SRGAP1: variants seen among roughly 807,000 people sequenced by gnomAD.
The protein encoded by SRGAP1 is SLIT-ROBO Rho GTPase activating protein 1.
A neutral mutation model predicts 121.9 loss-of-function variants in SRGAP1; 43 were observed. That is an observed-to-expected ratio of 0.35 (90% confidence interval 0.28 to 0.46). SRGAP1 has a LOEUF of 0.46. Ranked by LOEUF, SRGAP1 falls within the 20% of genes least tolerant of loss-of-function variation. SRGAP1 has a pLI of 1.00. For synonymous variants in SRGAP1, 447 were observed against 485.4 expected (o/e 0.92, Z 1.04); for missense variants, 1,102 against 1,350.9 (o/e 0.82, Z 2.89).
rs1271881524 is a variant in SRGAP1, at chr12:64,156,906, G to C, written c.*14234G>C. 2 of 152,206 alleles carry C rather than the reference G, an allele frequency of 1.3e-5. No homozygotes were observed. Among genetic ancestry groups the C allele is most frequent in the African/African-American group, 4.8e-5 (2 of 41,446 alleles). 9.4% of individuals were successfully genotyped at this position (152,206 alleles called of 1,614,324 possible). A position where few individuals can be genotyped will look rare whatever the true frequency, so the allele number is the denominator to read the frequency against. On this transcript the variant is annotated 3_prime_UTR_variant, in exon 22 of 22. Coordinates refer to ENST00000355086, the MANE Select transcript of SRGAP1 (RefSeq NM_020762.4). ...GATTACCTTCTCTGAAGAAGTGATA[G>C]GGGGAATAAGGCATAAAATTATCTG...
intron 3 of SRGAP1, among the ~76,000 whole-genome samples, chr12:64,004,931 A>G (rs1328895971): frequency 2.0e-5 from 3 of 152,226 alleles, no homozygotes; most frequent in Non-Finnish European, 2.9e-5. Flanking sequence ...AGCAGCTGTA[A>G]GAAATGCCAT....
At chr12:63,884,719 C>CTTT (rs869188491) in intron 1 of SRGAP1, among the ~76,000 whole-genome samples, 15 of 123,856 alleles carry the variant, frequency 1.2e-4, no homozygotes, top group South Asian at 2.6e-4. Context: ...CACCACCATT[C>CTTT]TTTTTTTTTT....
chr12:64,145,631 C>T lies in SRGAP1; in HGVS notation c.*2959C>T, dbSNP rs1440101016. ...AGGACTCAGTAAAGACTCACCTCTC[C>T]TTACTTGGTTTATTAAATGTCTTCA... On this transcript the variant is annotated 3_prime_UTR_variant, in exon 22 of 22. Coordinates refer to ENST00000355086, the MANE Select transcript of SRGAP1 (RefSeq NM_020762.4). The T allele has an allele frequency of 6.6e-6, 1 of 151,992 alleles. No individual in the cohort carries two copies. The highest frequency in any genetic ancestry group is 1.5e-5 in the Non-Finnish European group (1 of 68,034). The allele number at this position is 151,992 out of a possible 1,614,324, so 9.4% of individuals were successfully genotyped here.
chr12:64,098,628 C>A (rs1352482568), intron 15 of SRGAP1, among the ~76,000 whole-genome samples: 1 of 151,862 alleles, frequency 6.6e-6, no homozygotes, highest in Non-Finnish European at 1.5e-5. Context: ...CAAGATCGTG[C>A]CACTGCACTC....
At chr12:64,060,336 TAGCTAGGACCAC>T (rs376852230) in intron 6 of SRGAP1, among the ~76,000 whole-genome samples, 98 of 151,840 alleles carry the variant, frequency 6.5e-4, no homozygotes, top group African/African-American at 2.3e-3. Context: ...ACCTCCTGAA[TAGCTAGGACCAC>T]AGCACCCACC....
chr12:64,141,995 A>C (rs1253974086), intron 21 of SRGAP1, among the ~76,000 whole-genome samples: 2 of 151,998 alleles, frequency 1.3e-5, no homozygotes, highest in Non-Finnish European at 2.9e-5. Context: ...CCTCAAAAGA[A>C]AAAAATTTTT....
Position 64,111,816 on chromosome 12 carries a change from C to G in SRGAP1, c.1974C>G (p.Cys658Trp). 6.2e-7 allele frequency: 1 copy of G among 1,614,014 alleles called. No homozygotes were observed. Among genetic ancestry groups the G allele is most frequent in the Non-Finnish European group, 8.5e-7 (1 of 1,179,974 alleles). Residue 658 changes from cysteine to tryptophan, a missense_variant, in exon 17 of 22, where the codon TGC becomes TGG. By Grantham distance (215) the Cys-to-Trp change is radical (BLOSUM62 -2). Transcript: ENST00000355086. ...TGGACCCTTATAACCTGGCCATTTG[C>G]TTTGGCCCAACATTGATGCCTGTCC... The part of the protein sequence containing the change: ...NMMDPYNLAI[C>W]FGPTLMPVPE...
chr12:64,095,073 G>T (rs1163794824), intron 13 of SRGAP1, 54 bp from the exon 14 acceptor site: 2 of 1,608,182 alleles, frequency 1.2e-6, no homozygotes, highest in Admixed American at 3.3e-5. Flanking sequence ...GGGAAAAGAG[G>T]GACCTAGACA....
intron 6 of SRGAP1, among the ~76,000 whole-genome samples, chr12:64,050,989 G>A (rs929168187): frequency 5.3e-5 from 8 of 152,176 alleles, no homozygotes; most frequent in African/African-American, 1.9e-4. Context: ...CTCCCAAAGT[G>A]CTGGGATTAC....
intron 21 of SRGAP1, among the ~76,000 whole-genome samples, chr12:64,129,219 A>C (rs189365057): frequency 1.1e-3 from 175 of 152,308 alleles, no homozygotes; most frequent in African/African-American, 3.9e-3. Context: ...ACAATCACAG[A>C]GTCCCACAAT....
chr12:63,967,412 A>G (rs1443017808), intron 1 of SRGAP1, among the ~76,000 whole-genome samples: 1 of 152,264 alleles, frequency 6.6e-6, no homozygotes, highest in Admixed American at 6.5e-5. Flanking sequence ...ACTGCACTTC[A>G]GCCTGGGTGA....
intron 10 of SRGAP1, chr12:64,081,414 C>A (rs1231772232): frequency 6.6e-6 from 1 of 151,350 alleles, no homozygotes; most frequent in African/African-American, 2.4e-5. Context: ...GAAAGGTTAT[C>A]ATGACCTAAG....
rs1010009190 is a variant in SRGAP1 at position 64,067,991 on chromosome 12, C to T, written c.1125+2772C>T. Among the ~76,000 whole-genome samples, 6 of 151,754 alleles carry T rather than the reference C, an allele frequency of 4.0e-5. No individual in the cohort carries two copies. The South Asian group carries it at 6.2e-4, about 16-fold the overall frequency. On this transcript the variant is annotated intron_variant, in intron 8 of 21. Coordinates refer to ENST00000355086, the MANE Select transcript of SRGAP1 (RefSeq NM_020762.4). ...GCATGGACAGTACAGCTAAGTAGAA[C>T]ATGAGCCTTTTCACCAAATCTTAGA...
chr12:64,128,180 G>A lies in SRGAP1; in HGVS notation c.2860G>A (p.Asp954Asn). The A allele has an allele frequency of 6.2e-7, 1 of 1,610,314 alleles. No individual in the cohort carries two copies. Among genetic ancestry groups the A allele is most frequent in the Non-Finnish European group, 8.5e-7 (1 of 1,176,862 alleles). ...GGGCTTCAATGACCACAAGCCACTGGACCCAGAGACAATTGCTCAGGTACG... is the reference window on the plus strand; with the variant it reads ...GGGCTTCAATGACCACAAGCCACTGAACCCAGAGACAATTGCTCAGGTACG... The part of the protein sequence containing the change: ...YTGFNDHKPL[D>N]PETIAQDIEE... Residue 954 changes from aspartate (D) to asparagine (N), a missense_variant, in exon 21 of 22, where the codon GAC (aspartate) becomes AAC (asparagine). This residue lies in a region of SRGAP1 where 315 missense variants were observed against 343.1 expected (regional missense o/e 0.92). Coordinates refer to ENST00000355086, the MANE Select transcript of SRGAP1 (RefSeq NM_020762.4).
chr12:64,112,941 A>G (rs1336024484), intron 17 of SRGAP1, among the ~76,000 whole-genome samples: 1 of 152,100 alleles, frequency 6.6e-6, no homozygotes, highest in Non-Finnish European at 1.5e-5. Flanking sequence ...ATAAAAATAC[A>G]GTTAGGTAGA....
chr12:63,897,581 T>G (rs997861836), intron 1 of SRGAP1, among the ~76,000 whole-genome samples: 2 of 152,232 alleles, frequency 1.3e-5, no homozygotes, highest in African/African-American at 4.8e-5. Flanking sequence ...AACTCCGACA[T>G]GCTCTCAAGA....
At chr12:64,020,585 G>A (rs1201638280) in intron 4 of SRGAP1, among the ~76,000 whole-genome samples, 2 of 152,208 alleles carry the variant, frequency 1.3e-5, no homozygotes, top group African/African-American at 2.4e-5. Context: ...GCTTATGCCT[G>A]TAATCCCAGA....
At chr12:63,911,303 A>G (rs2030488392) in intron 1 of SRGAP1, among the ~76,000 whole-genome samples, 1 of 151,050 alleles carries the variant, frequency 6.6e-6, no homozygotes, top group Admixed American at 6.6e-5. Flanking sequence ...TGTCTCAAAA[A>G]AAAAAAAAAA....
At chr12:63,884,909 A>G (rs1481971350) in intron 1 of SRGAP1, among the ~76,000 whole-genome samples, 1 of 151,826 alleles carries the variant, frequency 6.6e-6, no homozygotes. Flanking sequence ...TTTAGTAGAG[A>G]CGGGGTTTCA....
Sources: allele counts gnomAD v4.1 joint callset (sites outside exome capture counted in the v4.1 genomes callset), GRCh38; gene constraint gnomAD v4.1.1; regional missense constraint gnomAD v4.1.1; transcripts MANE v1.5; gene names NCBI Gene and HGNC (gene_info 2026-07-23, HGNC 2026-07-21).